The following ATXN10 variants were observed in gnomAD, a reference collection of about 807,000 sequenced individuals.
ATXN10 encodes the protein ataxin 10.
A neutral mutation model predicts 52.9 loss-of-function variants in ATXN10; 28 were observed. The observed-to-expected ratio is 0.53, with a 90% CI of 0.39 to 0.73. The LOEUF (loss-of-function observed/expected upper bound fraction) is 0.73. Among genes scored for constraint, ATXN10 ranks in the 30% least tolerant of loss-of-function variants. ATXN10 has a pLI of 0.00. For synonymous variants in ATXN10, 226 were observed against 221.5 expected (o/e 1.02, Z -0.18); for missense variants, 565 against 577.0 (o/e 0.98, Z 0.21).
chr22:45,678,040 CAG>C lies in ATXN10; in HGVS notation c.116+5863_116+5864del, dbSNP rs1922771271. 2 of 151,970 alleles carry C rather than the reference CAG, an allele frequency of 1.3e-5. No homozygotes were observed. Among genetic ancestry groups the C allele is most frequent in the South Asian group, 2.1e-4 (1 of 4,824 alleles). 9.4% of individuals were successfully genotyped at this position (151,970 alleles called of 1,614,324 possible). A position where few individuals can be genotyped will look rare whatever the true frequency, so the allele number is the denominator to read the frequency against. On this transcript the variant is annotated intron_variant, in intron 1 of 11. Coordinates refer to ENST00000252934, the MANE Select transcript of ATXN10 (RefSeq NM_013236.4). The surrounding 1 kb of genome is among the most constrained non-coding windows in gnomAD (Gnocchi z 4.1). ...CCTAGAACAGACAAACTTGTAGAGA[CAG>C]AAAGTAGATTAGAGGTTACTAGGAT...
intron 9 of ATXN10, among the ~76,000 whole-genome samples, chr22:45,779,159 T>C (rs1311412235): frequency 6.6e-6 from 1 of 152,338 alleles, no homozygotes; most frequent in Non-Finnish European, 1.5e-5. Flanking sequence ...CCACCACTTC[T>C]TCCCTTTCAT....
At position 45,826,730 on chromosome 22, in the gene ATXN10, C is replaced by T. The variant is rs946964836; in HGVS notation, c.1238-16261C>T. On this transcript the variant is annotated intron_variant, in intron 10 of 11. Coordinates refer to ENST00000252934, the MANE Select transcript of ATXN10 (RefSeq NM_013236.4). The surrounding 1 kb of genome is among the most constrained non-coding windows in gnomAD (Gnocchi z 5.0). ...AGGGATAAATTAAGGCATTCACAGACGAACAAAAGCTGATGGAGTTTGTTA... is the reference window on the plus strand; with the variant it reads ...AGGGATAAATTAAGGCATTCACAGATGAACAAAAGCTGATGGAGTTTGTTA... 7.9e-5 allele frequency among the ~76,000 whole-genome samples: 12 copies of T among 152,126 alleles called. No homozygotes were observed. The highest frequency in any genetic ancestry group is 2.4e-4 in the African/African-American group (10 of 41,414).
In ATXN10 at chr22:45,843,854, T is replaced by G. The variant is rs1316124507; in HGVS notation, c.*183T>G. ...GTGAAAGTAACTGAGTGTTCTCTTG[T>G]TTCTTTGCATTAATGTAACTGTGTG... On this transcript the variant is annotated 3_prime_UTR_variant, in exon 12 of 12. Coordinates refer to ENST00000252934, the MANE Select transcript of ATXN10 (RefSeq NM_013236.4). This position sits in a 1 kb window ranked among gnomAD's most constrained non-coding sequence, Gnocchi z 4.5. The G allele has an allele frequency of 7.9e-6, 5 of 635,598 alleles. No individual in the cohort carries two copies. Among genetic ancestry groups the G allele is most frequent in the African/African-American group, 1.8e-5 (1 of 54,590 alleles). 39.4% of individuals were successfully genotyped at this position (635,598 alleles called of 1,614,324 possible). A position where few individuals can be genotyped will look rare whatever the true frequency, so the allele number is the denominator to read the frequency against.
intron 9 of ATXN10, among the ~76,000 whole-genome samples, chr22:45,742,723 A>G (rs972701655): frequency 6.6e-6 from 1 of 152,204 alleles, no homozygotes; most frequent in African/African-American, 2.4e-5. Flanking sequence ...GATAGCTGGA[A>G]TAATTCCTGT....
intron 9 of ATXN10, among the ~76,000 whole-genome samples, chr22:45,740,965 A>C (rs1004086294): frequency 6.6e-6 from 1 of 152,144 alleles, no homozygotes; most frequent in Non-Finnish European, 1.5e-5. Context: ...ATAATATTTA[A>C]GTATGAAGTC....
At chr22:45,731,560 G>C (rs1925089719) in intron 7 of ATXN10, among the ~76,000 whole-genome samples, 1 of 152,166 alleles carries the variant, frequency 6.6e-6, no homozygotes, top group Admixed American at 6.5e-5. Flanking sequence ...AGTAATTGAT[G>C]CTGGAATCAC....
intron 9 of ATXN10, chr22:45,792,837 G>C (rs1454986504): frequency 1.7e-5 from 9 of 526,854 alleles, no homozygotes; most frequent in Non-Finnish European, 1.5e-5. Flanking sequence ...AAGAGTCATT[G>C]GCTTTGGTGA....
Position 45,684,076 on chromosome 22 carries a change from CAAGTAGCTGGGACTACG to C in ATXN10, c.117-5634_117-5618del, listed in dbSNP as rs1923034067. On this transcript the variant is annotated intron_variant, in intron 1 of 11. Coordinates refer to ENST00000252934, the MANE Select transcript of ATXN10 (RefSeq NM_013236.4). The surrounding 1 kb of genome is among the most constrained non-coding windows in gnomAD (Gnocchi z 4.1). The stretch of plus-strand genomic sequence containing the variant: ...AAGCAGTCCTTCTGCATCAGGCTCC[CAAGTAGCTGGGACTACG>C]AGGCACAGACCATCAAGCCCAGCTA... Among the ~76,000 whole-genome samples the C allele has an allele frequency of 6.6e-6, 1 of 151,888 alleles. No individual in the cohort carries two copies. The highest frequency in any genetic ancestry group is 2.4e-5 in the African/African-American group (1 of 41,326).
At chr22:45,779,798 G>A (rs550636657) in intron 9 of ATXN10, among the ~76,000 whole-genome samples, 6 of 152,196 alleles carry the variant, frequency 3.9e-5, no homozygotes, top group East Asian at 1.9e-4. Flanking sequence ...AATAGAATTC[G>A]TACATACTTT....
At position 45,823,096 on chromosome 22, in the gene ATXN10, A is replaced by G. The variant is rs1339268710; in HGVS notation, c.1237+16074A>G. On this transcript the variant is annotated intron_variant, in intron 10 of 11. Transcript: ENST00000252934. This position sits in a 1 kb window ranked among gnomAD's most constrained non-coding sequence, Gnocchi z 4.9. ...AGAGTAAACTGCAAAATTTTTAAGT[A>G]TACATCTTGACATAAGTACAGATGT... 4.3e-6 allele frequency: 2 copies of G among 462,804 alleles called. No homozygotes were observed. Among genetic ancestry groups the G allele is most frequent in the Admixed American group, 2.5e-5 (1 of 40,548 alleles). 28.7% of individuals were successfully genotyped at this position (462,804 alleles called of 1,614,324 possible). A position where few individuals can be genotyped will look rare whatever the true frequency, so the allele number is the denominator to read the frequency against.
At chr22:45,831,788 C>T (rs965454675) in intron 10 of ATXN10, among the ~76,000 whole-genome samples, 2 of 152,186 alleles carry the variant, frequency 1.3e-5, no homozygotes, top group African/African-American at 4.8e-5. Context: ...ATTGAGAGAT[C>T]ATTTTGTCTC....
At chr22:45,673,603 G>C (rs1194480442) in intron 1 of ATXN10, 1 of 152,078 alleles carries the variant, frequency 6.6e-6, no homozygotes. Context: ...TTTTTTGTTG[G>C]GGTCTGAGGG....
At chr22:45,807,692 G>A (rs1009186373) in intron 10 of ATXN10, among the ~76,000 whole-genome samples, 2 of 152,300 alleles carry the variant, frequency 1.3e-5, no homozygotes, top group South Asian at 2.1e-4. Context: ...ACCAGGGACC[G>A]GATACAGCTT....
At chr22:45,702,578 A>G (rs1923881537) in intron 4 of ATXN10, 111 bp from the exon 5 acceptor site, 5 of 977,430 alleles carry the variant, frequency 5.1e-6, no homozygotes, top group African/African-American at 1.6e-5. Context: ...CTATAATTCT[A>G]AATCCTCAAA....
intron 9 of ATXN10, among the ~76,000 whole-genome samples, chr22:45,758,048 T>C (rs1186724234): frequency 5.3e-5 from 8 of 152,252 alleles, no homozygotes; most frequent in Non-Finnish European, 1.5e-5. Context: ...CAACTATTCG[T>C]TACCAGAACA....
intron 9 of ATXN10, among the ~76,000 whole-genome samples, chr22:45,768,420 AAACAC>A (rs1240247930): frequency 6.6e-6 from 1 of 152,348 alleles, no homozygotes; most frequent in African/African-American, 2.4e-5. Flanking sequence ...AACACATAGA[AAACAC>A]AACTGGTTTG....
At chr22:45,755,320 A>G (rs1926135264) in intron 9 of ATXN10, among the ~76,000 whole-genome samples, 1 of 152,102 alleles carries the variant, frequency 6.6e-6, no homozygotes, top group Non-Finnish European at 1.5e-5. Flanking sequence ...ATGCAAACAC[A>G]CCTTGGAGGG....
chr22:45,739,934 A>G (rs1312002428), intron 8 of ATXN10, among the ~76,000 whole-genome samples: 2 of 152,168 alleles, frequency 1.3e-5, no homozygotes, highest in Middle Eastern at 3.2e-3. Context: ...GGATGAGGGA[A>G]AAATAAGCAC....
At chr22:45,807,074 C>A in intron 10 of ATXN10, 52 bp downstream of exon 10, 1 of 1,447,978 alleles carries the variant, frequency 6.9e-7, no homozygotes, top group Non-Finnish European at 9.7e-7. Flanking sequence ...GGGCCCTTAG[C>A]AAAACAAGTC....
Sources: gnomAD v4.1 joint callset for allele counts (sites outside exome capture counted in the v4.1 genomes callset) on GRCh38, gnomAD v4.1.1 for gene constraint, Gnocchi (gnomAD v3.1) non-coding constraint, MANE v1.5 for transcripts, NCBI Gene and HGNC (gene_info 2026-07-23, HGNC 2026-07-21) for gene names.